Variants in LCORL observed in about 807,000 individuals in gnomAD.
LCORL encodes the protein ligand dependent nuclear receptor corepressor like.
A neutral mutation model predicts 141.8 loss-of-function variants in LCORL; 41 were observed. The observed-to-expected ratio is 0.29, with a 90% CI of 0.23 to 0.38. The LOEUF is 0.38. Ranked by LOEUF, LCORL falls within the 10% of genes least tolerant of loss-of-function variation. The pLI is 1.00. For synonymous variants in LCORL, 618 were observed against 694.1 expected, an observed-to-expected ratio of 0.89 and a Z score of 1.72; for missense variants, 1,759 against 2,035.0, an observed-to-expected ratio of 0.86 and a Z score of 2.61.
chr4:17,881,828 T>C, intron 6 of LCORL: 1 of 984,142 alleles, frequency 1.0e-6, no homozygotes, highest in Non-Finnish European at 1.2e-6. Context: ...AATATGTACT[T>C]TACCTTTAAC....
exon 7 of LCORL, chr4:17,875,192 T>C (rs1726788567): frequency 8.1e-7 from 1 of 1,231,788 alleles, no homozygotes; most frequent in Non-Finnish European, 1.0e-6. Flanking sequence ...TTTCCTGAGG[T>C]GAAGTTCTAT....
chr4:17,863,695 T>A (rs1363857800), intron 7 of LCORL, among the ~76,000 whole-genome samples: 1 of 152,216 alleles, frequency 6.6e-6, no homozygotes, highest in Non-Finnish European at 1.5e-5. Context: ...CACATGCACA[T>A]GTACATTTAT....
At chr4:17,909,125 C>G in exon 5 of LCORL, 1 of 1,603,604 alleles carries the variant, frequency 6.2e-7, no homozygotes, top group Non-Finnish European at 8.5e-7. Context: ...GCATTCGATT[C>G]ACAGTGAGGT....
intron 1 of LCORL, among the ~76,000 whole-genome samples, chr4:18,003,168 T>C (rs1722246073): frequency 6.6e-6 from 1 of 152,148 alleles, no homozygotes; most frequent in African/African-American, 2.4e-5. Context: ...CAGAAGTCAT[T>C]AAAGGTTGAG....
chr4:17,977,761 G>A (rs1175688786), intron 1 of LCORL, among the ~76,000 whole-genome samples: 1 of 152,130 alleles, frequency 6.6e-6, no homozygotes, highest in Non-Finnish European at 1.5e-5. Context: ...AACAACAGTT[G>A]TTAATTTTGA....
At chr4:17,929,939 C>G (rs1735738886) in intron 4 of LCORL, among the ~76,000 whole-genome samples, 1 of 152,064 alleles carries the variant, frequency 6.6e-6, no homozygotes, top group Admixed American at 6.6e-5. Context: ...GAAAAATGGG[C>G]AAATGATCTG....
Position 17,884,387 on chromosome 4 carries a change from T to C in LCORL, c.776+1681A>G. On this transcript the variant is annotated intron_variant, in intron 6 of 7. Coordinates refer to ENST00000635767, the Ensembl canonical transcript of LCORL. This position sits in a 1 kb window ranked among gnomAD's most constrained non-coding sequence, Gnocchi z 4.4. ...TTTCTGTAGAGTTAGCTGATGGAGGTAAGTGGAAGCTGTTGGGAATTTTAT... is the reference window on the plus strand; with the variant it reads ...TTTCTGTAGAGTTAGCTGATGGAGGCAAGTGGAAGCTGTTGGGAATTTTAT... 1.3e-6 allele frequency: 2 copies of C among 1,548,212 alleles called. No homozygotes were observed. The highest frequency in any genetic ancestry group is 1.7e-6 in the Non-Finnish European group (2 of 1,145,698).
chr4:17,916,250 T>A (rs1249485959), intron 4 of LCORL, among the ~76,000 whole-genome samples: 1 of 152,218 alleles, frequency 6.6e-6, no homozygotes, highest in Non-Finnish European at 1.5e-5. Context: ...GATTTGAGAC[T>A]GAGCGCCCAT....
intron 7 of LCORL, among the ~76,000 whole-genome samples, chr4:17,849,486 TAACA>T (rs1407062214): frequency 6.6e-6 from 1 of 152,058 alleles, no homozygotes; most frequent in Non-Finnish European, 1.5e-5. Flanking sequence ...GAAGGAAAAC[TAACA>T]AACAGAAAGG....
intron 1 of LCORL, among the ~76,000 whole-genome samples, chr4:17,973,229 A>T (rs759827907): frequency 2.3e-4 from 35 of 151,976 alleles, no homozygotes; most frequent in Non-Finnish European, 4.6e-4. Context: ...AAGACACATA[A>T]TTGTTTATGT....
At position 17,946,160 on chromosome 4, in the gene LCORL, T is replaced by C. The variant is rs186401669; in HGVS notation, c.430+15743A>G. ...ACCCACCTTAGAAACTATTATTTTA[T>C]AGAGCAAAACGTTAAGATATCTAAA... On this transcript the variant is annotated intron_variant, in intron 4 of 7. Transcript: ENST00000635767. Among the ~76,000 whole-genome samples, 10 of 152,130 alleles carry C rather than the reference T, an allele frequency of 6.6e-5. No homozygotes were observed. The East Asian group carries it at 1.4e-3, about 21-fold the overall frequency.
At chr4:17,911,950 C>A (rs1310942982) in intron 4 of LCORL, 2 of 588,272 alleles carry the variant, frequency 3.4e-6, no homozygotes, top group African/African-American at 3.7e-5. Context: ...CCAGACCATG[C>A]AAAGCCTGAA....
chr4:17,966,973 G>T (rs915241293), intron 2 of LCORL, among the ~76,000 whole-genome samples: 1 of 152,156 alleles, frequency 6.6e-6, no homozygotes. Flanking sequence ...ATTTGCCTGT[G>T]TTTATAGCAG....
chr4:17,864,490 C>A (rs946025717), intron 7 of LCORL, among the ~76,000 whole-genome samples: 1 of 152,086 alleles, frequency 6.6e-6, no homozygotes, highest in East Asian at 1.9e-4. Context: ...GCATGAGCCG[C>A]CTCACCTGGC....
intron 4 of LCORL, among the ~76,000 whole-genome samples, chr4:17,932,116 C>G (rs1402773585): frequency 6.6e-6 from 1 of 152,116 alleles, no homozygotes; most frequent in Non-Finnish European, 1.5e-5. Flanking sequence ...AATTTGCCGT[C>G]CATACTTTTT....
At chr4:17,940,526 C>A (rs1351168138) in intron 4 of LCORL, among the ~76,000 whole-genome samples, 1 of 115,872 alleles carries the variant, frequency 8.6e-6, no homozygotes, top group Non-Finnish European at 1.8e-5. Flanking sequence ...ATATATATGC[C>A]TCTTTTAATG....
At position 18,009,489 on chromosome 4, in the gene LCORL, G is replaced by C. The variant is rs183242855; in HGVS notation, c.154+12109C>G. ...AGGCTATGAAATCCCATATTGTACCGAGCTCCACTGAGAGGCCTTCCTCCC... is the reference window on the plus strand; with the variant it reads ...AGGCTATGAAATCCCATATTGTACCCAGCTCCACTGAGAGGCCTTCCTCCC... On this transcript the variant is annotated intron_variant, in intron 1 of 7. Coordinates refer to ENST00000635767, the Ensembl canonical transcript of LCORL. Among the ~76,000 whole-genome samples the C allele has an allele frequency of 1.5e-4, 23 of 151,828 alleles. 1 individual carries two copies. In the East Asian group the frequency reaches 3.7e-3, roughly 24 times the overall value.
chr4:17,962,559 C>G (rs954579858), intron 3 of LCORL, among the ~76,000 whole-genome samples: 2 of 151,986 alleles, frequency 1.3e-5, no homozygotes, highest in African/African-American at 4.8e-5. Context: ...ATCCAAAAGA[C>G]TTCAAGAGTA....
intron 4 of LCORL, among the ~76,000 whole-genome samples, chr4:17,933,858 A>T (rs1736433659): frequency 6.6e-6 from 1 of 152,188 alleles, no homozygotes; most frequent in South Asian, 2.1e-4. Context: ...GAATGGTAGA[A>T]TGGAATGAAG....
Sources: allele counts gnomAD v4.1 joint callset (sites outside exome capture counted in the v4.1 genomes callset), GRCh38; gene constraint gnomAD v4.1.1; non-coding constraint Gnocchi (gnomAD v3.1); transcripts MANE v1.5; gene names NCBI Gene and HGNC (gene_info 2026-07-23, HGNC 2026-07-21).